Variants in ATE1 observed in about 807,000 individuals in gnomAD.
The protein encoded by ATE1 is arginyl-tRNA--protein transferase 1.
A neutral mutation model predicts 70.5 loss-of-function variants in ATE1; 36 were observed. The observed-to-expected ratio is 0.51, with a 90% CI of 0.39 to 0.67. ATE1 has a LOEUF of 0.67. ATE1 is among the 30% of genes least tolerant of loss of function. The pLI is 0.00. For missense variants in ATE1, 593 were observed against 629.5 expected, an observed-to-expected ratio of 0.94 and a Z score of 0.62; for synonymous variants, 232 against 219.3, an observed-to-expected ratio of 1.06 and a Z score of -0.51.
intron 7 of ATE1, among the ~76,000 whole-genome samples, chr10:121,891,269 G>A (rs970665138): frequency 6.6e-6 from 1 of 152,008 alleles, no homozygotes; most frequent in African/African-American, 2.4e-5. Flanking sequence ...TATAGCCCTC[G>A]AAAAGACTGA....
intron 3 of ATE1, among the ~76,000 whole-genome samples, chr10:121,920,342 G>A (rs1379335269): frequency 6.6e-6 from 1 of 151,762 alleles, no homozygotes; most frequent in African/African-American, 2.4e-5. Context: ...GATCTGCCTA[G>A]GAAACATGGC....
chr10:121,902,648 A>G (rs887452995), intron 5 of ATE1, 28 bp from the exon 6 acceptor site: 1 of 1,556,244 alleles, frequency 6.4e-7, no homozygotes. Context: ...ATATTAGACC[A>G]ATCACATTTG....
intron 7 of ATE1, among the ~76,000 whole-genome samples, chr10:121,886,355 C>T (rs1950398887): frequency 6.6e-6 from 1 of 151,884 alleles, no homozygotes; most frequent in African/African-American, 2.4e-5. Context: ...TTGCAATTCC[C>T]CCCACATCTG....
intron 10 of ATE1, among the ~76,000 whole-genome samples, chr10:121,827,822 G>C (rs944873681): frequency 2.0e-5 from 3 of 152,182 alleles, no homozygotes; most frequent in Non-Finnish European, 4.4e-5. Context: ...ATGTAAATCA[G>C]TCTTTATTGA....
At position 121,858,660 on chromosome 10, in the gene ATE1, A is replaced by ATATAATATATATATAATATATATTT. The variant is rs1949343302; in HGVS notation, c.975+11345_975+11346insAAATATATATTATATATATATTATA. Among the ~76,000 whole-genome samples, 5 of 139,200 alleles carry ATATAATATATATATAATATATATTT rather than the reference A, an allele frequency of 3.6e-5. No individual in the cohort carries two copies. In the South Asian group the frequency reaches 1.1e-3, roughly 30 times the overall value. The allele number at this position is 139,200 out of a possible 152,430, so 91.3% of individuals were successfully genotyped here. ...ATAATATATATATTTTATACATATAATATATATATAATATATATATTTTTA... is the reference window on the plus strand; with the variant it reads ...ATAATATATATATTTTATACATATAATATAATATATATATAATATATATTTTATATATATAATATATATATTTTTA... On this transcript the variant is annotated intron_variant, in intron 8 of 11. Coordinates refer to ENST00000224652, the MANE Select transcript of ATE1 (RefSeq NM_001001976.3).
At chr10:121,750,215 A>G (rs1352514150) in intron 11 of ATE1, among the ~76,000 whole-genome samples, 1 of 152,188 alleles carries the variant, frequency 6.6e-6, no homozygotes, top group African/African-American at 2.4e-5. Flanking sequence ...AGCTGAACCC[A>G]CACAGCACAA....
In ATE1 at chr10:121,911,098, T is replaced by C. The variant is rs1382753781; in HGVS notation, c.391A>G (p.Ile131Val). The C allele has an allele frequency of 3.1e-6, 5 of 1,611,656 alleles. No homozygotes were observed. The highest frequency in any genetic ancestry group is 1.3e-5 in the African/African-American group (1 of 74,820). Residue 131 changes from isoleucine to valine, a missense_variant, in exon 5 of 12, where the codon ATA (isoleucine) becomes GTA (valine). By Grantham distance (29) the Ile-to-Val change is conservative. Around this residue, in one of 3 missense-constraint regions of ATE1, gnomAD observed 467 missense variants for 469.6 expected, o/e 0.99. Transcript: ENST00000224652. ...TCACACTGTATATCCAGTTTATTTA[T>C]CAATGCAAAGTCACCCGCAACAGCA... ...DDAVAGDFAL[I>V]NKLDIQCDLK...
At chr10:121,860,946 T>C (rs556501305) in intron 8 of ATE1, among the ~76,000 whole-genome samples, 2 of 152,288 alleles carry the variant, frequency 1.3e-5, no homozygotes, top group South Asian at 4.1e-4. Flanking sequence ...ATATTTCTTA[T>C]GAGGGAAAAA....
chr10:121,911,773 G>T (rs1236156468), intron 4 of ATE1, among the ~76,000 whole-genome samples: 1 of 151,304 alleles, frequency 6.6e-6, no homozygotes. Context: ...TTTTTGAGGA[G>T]TCTCCCTCTG....
At chr10:121,850,623 CTGATA>C (rs991070330) in intron 8 of ATE1, among the ~76,000 whole-genome samples, 3 of 152,186 alleles carry the variant, frequency 2.0e-5, no homozygotes, top group African/African-American at 7.2e-5. Flanking sequence ...TTGAGAATCA[CTGATA>C]TCCATTTATT....
intron 11 of ATE1, among the ~76,000 whole-genome samples, chr10:121,762,646 C>T (rs893979234): frequency 2.6e-5 from 4 of 152,168 alleles, no homozygotes; most frequent in Admixed American, 6.5e-5. Context: ...GGTGAGTGTG[C>T]GTGTGCCCTG....
chr10:121,847,676 T>C (rs12776733), intron 8 of ATE1, among the ~76,000 whole-genome samples: 45,025 of 142,502 alleles, frequency 0.32, 8,034 homozygotes, highest in East Asian at 0.4. Flanking sequence ...GACAGTTGCT[T>C]GAACCAGGGA....
intron 5 of ATE1, among the ~76,000 whole-genome samples, chr10:121,909,927 C>T (rs921903844): frequency 1.3e-5 from 2 of 152,116 alleles, no homozygotes; most frequent in African/African-American, 4.8e-5. Flanking sequence ...TCCTGTATTC[C>T]TACCTACTCA....
rs187192255 is a variant in ATE1 at position 121,913,808 on chromosome 10, G to A, written c.319C>T (p.Pro107Ser). 1 of 1,611,930 alleles carries A rather than the reference G, an allele frequency of 6.2e-7. No individual in the cohort carries two copies. The highest frequency in any genetic ancestry group is 8.5e-7 in the Non-Finnish European group (1 of 1,178,588). ...ATCTTACCCTCACAACTTCCTTTGG[G>A]AACCTCCCCTTTAGCTAGAAATTTC... ...MLKFLAKGEVPKGSCEDEPMD... is the reference protein window; with the variant it reads ...MLKFLAKGEVSKGSCEDEPMD... The change falls in exon 4 of 12, where the codon CCC (proline) becomes TCC (serine). Residue 107 changes from proline to serine, a missense_variant. By Grantham distance (74) the Pro-to-Ser change is moderately conservative (BLOSUM62 -1). Around this residue, in one of 3 missense-constraint regions of ATE1, gnomAD observed 467 missense variants for 469.6 expected, o/e 0.99. Transcript: ENST00000224652.
At chr10:121,922,293 ATAT>A (rs905086452) in intron 3 of ATE1, 53 bp downstream of exon 3, 1 of 1,264,368 alleles carries the variant, frequency 7.9e-7, no homozygotes, top group African/African-American at 1.5e-5. Flanking sequence ...GACTACTAAA[ATAT>A]TATACACAAT....
chr10:121,846,055 C>T (rs1948806857), intron 8 of ATE1, among the ~76,000 whole-genome samples: 1 of 150,578 alleles, frequency 6.6e-6, no homozygotes, highest in South Asian at 2.1e-4. Flanking sequence ...GGAGAAATAG[C>T]TGATTCCAGA....
chr10:121,859,868 G>C (rs4752613), intron 8 of ATE1, among the ~76,000 whole-genome samples: 18,650 of 152,142 alleles, frequency 0.12, 1,460 homozygotes, highest in East Asian at 0.32. Flanking sequence ...CTTGAACCTG[G>C]GAGGCGGAGG....
chr10:121,748,935 G>C (rs1944471782), intron 11 of ATE1, among the ~76,000 whole-genome samples: 1 of 152,112 alleles, frequency 6.6e-6, no homozygotes. Context: ...AATACTGCAA[G>C]TAATGTGGTG....
At chr10:121,813,542 T>A (rs917141193) in intron 10 of ATE1, among the ~76,000 whole-genome samples, 1 of 152,190 alleles carries the variant, frequency 6.6e-6, no homozygotes, top group African/African-American at 2.4e-5. Flanking sequence ...CACATACTCA[T>A]GTTAGAGGGA....
Sources: allele counts gnomAD v4.1 joint callset (sites outside exome capture counted in the v4.1 genomes callset), GRCh38; gene constraint gnomAD v4.1.1; regional missense constraint gnomAD v4.1.1; transcripts MANE v1.5; gene names NCBI Gene and HGNC (gene_info 2026-07-23, HGNC 2026-07-21).